Variants in ZUP1 observed in about 807,000 individuals in gnomAD.
The protein encoded by ZUP1 is zinc finger containing ubiquitin peptidase 1, also known as zinc finger-containing ubiquitin peptidase 1.
Under a neutral mutation model 68.1 loss-of-function variants are expected in ZUP1, and 55 were observed. That is an observed-to-expected ratio of 0.81 (90% CI 0.65 to 1.01). The LOEUF (loss-of-function observed/expected upper bound fraction) is 1.01, where lower values mean the gene tolerates loss of function less well. Ranked by LOEUF, ZUP1 falls within the 50% of genes least tolerant of loss-of-function variation. The pLI, the probability that ZUP1 is intolerant of heterozygous loss-of-function variation, is 0.00. For missense variants in ZUP1, 684 were observed against 674.9 expected (o/e 1.01, Z -0.15); for synonymous variants, 223 against 221.5 (o/e 1.01, Z -0.06).
At position 116,660,761 on chromosome 6, in the gene ZUP1, A is replaced by G. The variant is rs1376756387; in HGVS notation, c.645T>C (p.His215=). Reference sequence around the variant, plus strand: ...CTTGCTGAAAGCTGTTTTCTTCCAAATGCAAGTCAACATGTTCCTGAAGAA... The same window carrying G: ...CTTGCTGAAAGCTGTTTTCTTCCAAGTGCAAGTCAACATGTTCCTGAAGAA... ...YHILQEHVDL[H]LEENSFQQGM... Residue 215 remains histidine, a synonymous_variant, in exon 3 of 10, where the codon CAT becomes CAC. Transcript: ENST00000368576. The G allele has an allele frequency of 6.2e-7, 1 of 1,605,000 alleles. No homozygotes were observed. The highest frequency in any genetic ancestry group is 1.7e-5 in the Admixed American group (1 of 59,332).
chr6:116,656,796 C>T lies in ZUP1; in HGVS notation c.849G>A (p.Met283Ile). 6.2e-7 allele frequency: 1 copy of T among 1,610,050 alleles called. No homozygotes were observed. Among genetic ancestry groups the T allele is most frequent in the South Asian group, 1.1e-5 (1 of 90,682 alleles). ...GGYKQQQLRN[M>I]EIEVNRGRMP... The stretch of plus-strand genomic sequence containing the variant: ...TTCTTCCCCTATTTACTTCTATCTC[C>T]ATATTTCGTAGTTGTTGTTGTTTGT... Residue 283 changes from methionine to isoleucine, a missense_variant, in exon 5 of 10, where the codon ATG becomes ATA. By Grantham distance (10) the Met-to-Ile change is conservative. Transcript: ENST00000368576.
intron 9 of ZUP1, 69 bp downstream of exon 9, chr6:116,645,645 T>G: frequency 8.1e-7 from 1 of 1,238,088 alleles, no homozygotes; most frequent in South Asian, 1.5e-5. Context: ...ACACTGATTT[T>G]AAACTAAAAG....
In ZUP1 at chr6:116,666,796, T is replaced by A. The variant is rs200762354; in HGVS notation, c.397A>T (p.Arg133Trp). 6.2e-7 allele frequency: 1 copy of A among 1,613,536 alleles called. No individual in the cohort carries two copies. The highest frequency in any genetic ancestry group is 1.1e-5 in the South Asian group (1 of 90,948). ...LTESRKFLKS[R>W]EKQSSLTEIK... ...TCGGTCAGGCTGGACTGTTTTTCCCTACTTTTCAGGAATTTTCTAGATTCA... is the reference window on the plus strand; with the variant it reads ...TCGGTCAGGCTGGACTGTTTTTCCCAACTTTTCAGGAATTTTCTAGATTCA... Residue 133 changes from arginine to tryptophan, a missense_variant, in exon 2 of 10, where the codon AGG becomes TGG. Physicochemically the swap from Arg to Trp is moderately radical, Grantham distance 101 (BLOSUM62 -3). Coordinates refer to ENST00000368576, the MANE Select transcript of ZUP1 (RefSeq NM_145062.3).
chr6:116,653,319 ACT>A (rs1361171976), intron 5 of ZUP1, among the ~76,000 whole-genome samples: 2 of 151,974 alleles, frequency 1.3e-5, no homozygotes, highest in African/African-American at 4.8e-5. Context: ...ATATTTACAT[ACT>A]CTACAGACTC....
At position 116,658,917 on chromosome 6, in the gene ZUP1, A is replaced by G. The variant is rs1285393062; in HGVS notation, c.678T>C (p.Asp226=). Residue 226 remains aspartate (D), a synonymous_variant, in exon 4 of 10, where the codon GAT becomes GAC. Coordinates refer to ENST00000368576, the MANE Select transcript of ZUP1 (RefSeq NM_145062.3). ...LEENSFQQGM[D]RVQCSGDLQL... ...GTAGATCACCAGAACACTGGACTCT[A>G]TCCATGCCTGTTAGGTATTGTTAAT... 6.2e-7 allele frequency: 1 copy of G among 1,606,444 alleles called. No individual in the cohort carries two copies.
At chr6:116,637,883 T>G (rs1355164273) in intron 9 of ZUP1, among the ~76,000 whole-genome samples, 1 of 151,934 alleles carries the variant, frequency 6.6e-6, no homozygotes, top group Non-Finnish European at 1.5e-5. Context: ...GCTAACATGG[T>G]GAAACCCCAT....
rs748966464 is a variant in ZUP1, at chr6:116,645,894, GT to G, written c.1508del (p.Asn503ThrfsTer7). ...RTVIGIEEKK[N>X]RTLCLLILDP... ...CAAGTATTAGTAAGCATAATGTTCG[GT>G]TTTTTTTCTCTTCAATTCCAATAAC... On this transcript the variant is annotated frameshift_variant, in exon 9 of 10. Coordinates refer to ENST00000368576, the MANE Select transcript of ZUP1 (RefSeq NM_145062.3). LOFTEE classifies it high-confidence loss of function. 8.7e-6 allele frequency: 14 copies of G among 1,612,752 alleles called. No homozygotes were observed. The highest frequency in any genetic ancestry group is 1.1e-5 in the South Asian group (1 of 90,930).
chr6:116,642,977 A>G (rs1776167425), intron 9 of ZUP1, among the ~76,000 whole-genome samples: 2 of 152,232 alleles, frequency 1.3e-5, no homozygotes, highest in Admixed American at 6.5e-5. Flanking sequence ...TTGATAAGCA[A>G]CTTCAGCAAA....
intron 8 of ZUP1, 119 bp from the exon 9 acceptor site, chr6:116,646,053 G>T: frequency 1.6e-6 from 1 of 636,218 alleles, no homozygotes; most frequent in Non-Finnish European, 2.5e-6. Context: ...GTCAGACTCT[G>T]ACACATATGT....
At chr6:116,648,519 T>C (rs1339516488) in intron 7 of ZUP1, among the ~76,000 whole-genome samples, 2 of 152,152 alleles carry the variant, frequency 1.3e-5, no homozygotes, top group Non-Finnish European at 2.9e-5. Context: ...GTTTGCATAT[T>C]TACATTTAGA....
At chr6:116,645,337 T>G (rs1776257641) in intron 9 of ZUP1, among the ~76,000 whole-genome samples, 1 of 151,842 alleles carries the variant, frequency 6.6e-6, no homozygotes, top group South Asian at 2.1e-4. Context: ...TCCCAACACT[T>G]TGGGAGGCTG....
intron 7 of ZUP1, among the ~76,000 whole-genome samples, chr6:116,650,618 T>C (rs1308880295): frequency 1.3e-5 from 2 of 152,142 alleles, no homozygotes; most frequent in African/African-American, 4.8e-5. Context: ...TTATCAATAG[T>C]AGACCTAAGT....
At position 116,659,052 on chromosome 6, in the gene ZUP1, G is replaced by A; in HGVS notation, c.671-128C>T. 6.1e-6 allele frequency: 5 copies of A among 816,462 alleles called. No individual in the cohort carries two copies. In the South Asian group the frequency reaches 1.0e-4, roughly 17 times the overall value. The allele number at this position is 816,462 out of a possible 1,614,324, so 50.6% of individuals were successfully genotyped here. ...CATTTATTCATGACTGTGATGATAT[G>A]GAACTGAGTACAAATTTAGCAAAAC... is the stretch of plus-strand genomic sequence containing the variant. On this transcript the variant is annotated intron_variant, in intron 3 of 9. Coordinates refer to ENST00000368576, the MANE Select transcript of ZUP1 (RefSeq NM_145062.3).
chr6:116,652,219 A>C (rs1189170661), intron 5 of ZUP1, 27 bp from the exon 6 acceptor site: 38 of 1,576,980 alleles, frequency 2.4e-5, no homozygotes, highest in Non-Finnish European at 3.3e-5. Flanking sequence ...ATTCAGAAGC[A>C]GTCATTATCA....
intron 1 of ZUP1, among the ~76,000 whole-genome samples, chr6:116,667,418 T>C (rs1777046547): frequency 6.6e-6 from 1 of 152,012 alleles, no homozygotes; most frequent in Admixed American, 6.6e-5. Flanking sequence ...TAATAATGAA[T>C]ACAAGTAATT....
At chr6:116,667,483 C>G (rs1450264207) in intron 1 of ZUP1, among the ~76,000 whole-genome samples, 1 of 150,422 alleles carries the variant, frequency 6.6e-6, no homozygotes, top group South Asian at 2.1e-4. Flanking sequence ...GAAAAAATAA[C>G]GTTTAAAAAA....
chr6:116,654,876 A>T (rs1397490764), intron 5 of ZUP1, among the ~76,000 whole-genome samples: 2 of 152,106 alleles, frequency 1.3e-5, no homozygotes, highest in Non-Finnish European at 2.9e-5. Flanking sequence ...GTGTCACCAT[A>T]CTATGTGTGA....
rs552090847 is a variant in ZUP1, at chr6:116,646,144, C to A, written c.1469-210G>T. 7.6e-6 allele frequency: 3 copies of A among 396,570 alleles called. No homozygotes were observed. The East Asian group carries it at 1.1e-4, about 15-fold the overall frequency. 24.6% of individuals were successfully genotyped at this position (396,570 alleles called of 1,614,324 possible). On this transcript the variant is annotated intron_variant, in intron 8 of 9. Transcript: ENST00000368576. ...CTTTAGTTTTCTAAAGGCTTCATTACCAAAAAAAACATTTTTATTCTGCCA... is the reference window on the plus strand; with the variant it reads ...CTTTAGTTTTCTAAAGGCTTCATTAACAAAAAAAACATTTTTATTCTGCCA...
chr6:116,643,041 T>C (rs542237006), intron 9 of ZUP1, among the ~76,000 whole-genome samples: 7 of 151,490 alleles, frequency 4.6e-5, no homozygotes, highest in South Asian at 2.1e-4. Context: ...TATACACCAA[T>C]AACAGACAAA....
Sources: gnomAD v4.1 joint callset for allele counts (sites outside exome capture counted in the v4.1 genomes callset) on GRCh38, gnomAD v4.1.1 for gene constraint, MANE v1.5 for transcripts, NCBI Gene and HGNC (gene_info 2026-07-23, HGNC 2026-07-21) for gene names.